The following NRG3 variants were observed in gnomAD, a reference collection of about 807,000 sequenced individuals.
NRG3 encodes the protein neuregulin 3, also known as pro-neuregulin-3, membrane-bound isoform.
Under a neutral mutation model 66.9 loss-of-function variants are expected in NRG3, and 31 were observed. That is an observed-to-expected ratio of 0.46 (90% CI 0.35 to 0.63). The LOEUF (loss-of-function observed/expected upper bound fraction) is 0.63. Ranked by LOEUF, NRG3 falls within the 20% of genes least tolerant of loss-of-function variation. NRG3 has a pLI of 0.00. For synonymous variants in NRG3, 393 were observed against 359.4 expected, an observed-to-expected ratio of 1.09 and a Z score of -1.06; for missense variants, 910 against 878.9, an observed-to-expected ratio of 1.04 and a Z score of -0.45.
intron 2 of NRG3, among the ~76,000 whole-genome samples, chr10:82,384,081 T>G (rs977736942): frequency 6.6e-6 from 1 of 152,128 alleles, no homozygotes; most frequent in African/African-American, 2.4e-5. Flanking sequence ...TTATCACTTT[T>G]TAAACTGTCA....
chr10:82,509,543 T>G (rs1844985002), intron 2 of NRG3, among the ~76,000 whole-genome samples: 1 of 152,154 alleles, frequency 6.6e-6, no homozygotes, highest in Non-Finnish European at 1.5e-5. Flanking sequence ...CCATAAAGCC[T>G]GGCCCTAAAC....
At chr10:82,888,899 A>C (rs1240482824) in intron 4 of NRG3, among the ~76,000 whole-genome samples, 1 of 152,122 alleles carries the variant, frequency 6.6e-6, no homozygotes, top group Admixed American at 6.6e-5. Context: ...TGGATTTTTA[A>C]GGGAAAACTT....
At chr10:82,138,256 A>AT (rs1381661265) in intron 1 of NRG3, among the ~76,000 whole-genome samples, 1 of 152,074 alleles carries the variant, frequency 6.6e-6, no homozygotes, top group Non-Finnish European at 1.5e-5. Flanking sequence ...ATTTGAAAAC[A>AT]TTTTTCCTGG....
chr10:82,099,776 G>T (rs1283441906), intron 1 of NRG3, among the ~76,000 whole-genome samples: 1 of 151,552 alleles, frequency 6.6e-6, no homozygotes, highest in African/African-American at 2.4e-5. Context: ...TTTGAGATCA[G>T]CATGGCAAGA....
chr10:82,053,917 C>G (rs1467154116), intron 1 of NRG3, among the ~76,000 whole-genome samples: 1 of 152,292 alleles, frequency 6.6e-6, no homozygotes, highest in East Asian at 1.9e-4. Flanking sequence ...TTATTTAAAG[C>G]TGCAGCGCAG....
chr10:82,567,529 T>C (rs1318527274), intron 2 of NRG3, among the ~76,000 whole-genome samples: 1 of 151,992 alleles, frequency 6.6e-6, no homozygotes, highest in Non-Finnish European at 1.5e-5. Flanking sequence ...CTCTTGTAAA[T>C]CTCCTCTGTG....
chr10:82,683,590 G>A (rs2253822), intron 2 of NRG3, among the ~76,000 whole-genome samples: 127,235 of 152,116 alleles, frequency 0.84, 54,267 homozygotes, highest in East Asian at 1. Flanking sequence ...TGGCTAAGGA[G>A]GCTTACATGA....
chr10:82,601,109 G>A (rs1405042094), intron 2 of NRG3, among the ~76,000 whole-genome samples: 1 of 152,150 alleles, frequency 6.6e-6, no homozygotes, highest in East Asian at 1.9e-4. Context: ...CCATGTTGCT[G>A]CAAAAGATAT....
intron 1 of NRG3, among the ~76,000 whole-genome samples, chr10:81,955,919 A>G (rs1014555797): frequency 4.6e-5 from 7 of 152,322 alleles, no homozygotes; most frequent in Admixed American, 2.0e-4. Flanking sequence ...TATCCAGAAC[A>G]GAATTTTGAG....
At chr10:82,865,346 T>C in intron 3 of NRG3, 65 bp from the exon 4 acceptor site, 1 of 1,550,984 alleles carries the variant, frequency 6.4e-7, no homozygotes, top group South Asian at 1.1e-5. Flanking sequence ...TTTCCATGTA[T>C]AGAGCTTTTT....
At chr10:81,964,788 C>G (rs149921539) in intron 1 of NRG3, among the ~76,000 whole-genome samples, 4,074 of 152,096 alleles carry the variant, frequency 0.027, 76 homozygotes, top group Non-Finnish European at 0.04. Flanking sequence ...ATAGGAGAAA[C>G]AGATATATCC....
intron 1 of NRG3, among the ~76,000 whole-genome samples, chr10:82,068,776 A>G (rs1032019390): frequency 2.6e-5 from 4 of 152,228 alleles, no homozygotes; most frequent in Non-Finnish European, 4.4e-5. Flanking sequence ...AAGCCAGGTC[A>G]AGCTGGGCTT....
intron 1 of NRG3, among the ~76,000 whole-genome samples, chr10:82,252,022 C>T (rs2077511775): frequency 6.6e-6 from 1 of 152,168 alleles, no homozygotes; most frequent in African/African-American, 2.4e-5. Context: ...CCAGCCTGCC[C>T]TGCATGGTGC....
chr10:82,967,101 C>A (rs1273242508), intron 6 of NRG3, among the ~76,000 whole-genome samples: 1 of 150,222 alleles, frequency 6.7e-6, no homozygotes, highest in Non-Finnish European at 1.5e-5. Context: ...ACAGGGATGT[C>A]TTTTCTTGGC....
chr10:82,581,124 G>A (rs1210282327), intron 2 of NRG3, among the ~76,000 whole-genome samples: 1 of 151,844 alleles, frequency 6.6e-6, no homozygotes, highest in Non-Finnish European at 1.5e-5. Context: ...TCTATGTTTT[G>A]GATTTTGATC....
chr10:82,563,897 G>A (rs2045220233), intron 2 of NRG3, among the ~76,000 whole-genome samples: 2 of 151,970 alleles, frequency 1.3e-5, no homozygotes, highest in Non-Finnish European at 2.9e-5. Context: ...AATAACTGAA[G>A]TGTTATTCAT....
chr10:82,455,957 A>G (rs1439712908), intron 2 of NRG3, among the ~76,000 whole-genome samples: 1 of 152,076 alleles, frequency 6.6e-6, no homozygotes, highest in Non-Finnish European at 1.5e-5. Context: ...TATCTATTCA[A>G]TAATAAATTA....
intron 1 of NRG3, among the ~76,000 whole-genome samples, chr10:82,033,390 A>G (rs1250742316): frequency 6.6e-6 from 1 of 152,124 alleles, no homozygotes; most frequent in Non-Finnish European, 1.5e-5. Flanking sequence ...TTGCTCAAGC[A>G]TGTACCATAA....
At chr10:82,347,053 T>C (rs1310224304) in intron 1 of NRG3, among the ~76,000 whole-genome samples, 1 of 151,688 alleles carries the variant, frequency 6.6e-6, no homozygotes, top group Non-Finnish European at 1.5e-5. Flanking sequence ...GGGTTTTTTG[T>C]GTCTCTATTT....
Sources: gnomAD v4.1 joint callset for allele counts (sites outside exome capture counted in the v4.1 genomes callset) on GRCh38, gnomAD v4.1.1 for gene constraint, MANE v1.5 for transcripts, NCBI Gene and HGNC (gene_info 2026-07-23, HGNC 2026-07-21) for gene names.